Variants in VIT observed in about 807,000 individuals in gnomAD.
The protein encoded by VIT is vitrin.
VIT carries 99 observed loss-of-function variants against 78.0 expected under a neutral mutation model. The ratio of observed to expected loss-of-function variants is 1.27; its 90% CI spans 1.08 to 1.50. The LOEUF is 1.50. VIT is among the 40% of genes most tolerant of loss of function. VIT has a pLI of 0.00. For synonymous variants in VIT, 374 were observed against 334.3 expected (o/e 1.12, Z -1.29); for missense variants, 1,126 against 875.3 (o/e 1.29, Z -3.61).
intron 6 of VIT, among the ~76,000 whole-genome samples, chr2:36,763,392 A>G (rs79363276): frequency 0.028 from 4,244 of 152,258 alleles, 194 homozygotes; most frequent in African/African-American, 0.097. Context: ...TCCCATAAAA[A>G]TCTTTGAAAA....
chr2:36,787,266 G>C lies in VIT; in HGVS notation c.1048G>C (p.Val350Leu). ...IGPAGPLMGVVQYGDNPATHF... is the reference protein window; with the variant it reads ...IGPAGPLMGVLQYGDNPATHF... ...CCCTGCCGGTCCACTGATGGGTGTT[G>C]TCCAGTATGGGTAAGTGCAGTTAAT... Residue 350 changes from valine (V) to leucine (L), a missense_variant, in exon 12 of 16, where the codon GTC becomes CTC. Physicochemically the swap from Val to Leu is conservative, Grantham distance 32. Coordinates refer to ENST00000379242, the MANE Select transcript of VIT (RefSeq NM_053276.4). 6.2e-7 allele frequency: 1 copy of C among 1,614,080 alleles called. No homozygotes were observed.
At chr2:36,810,787 C>A (rs1667106360) in intron 15 of VIT, among the ~76,000 whole-genome samples, 1 of 152,168 alleles carries the variant, frequency 6.6e-6, no homozygotes, top group African/African-American at 2.4e-5. Flanking sequence ...GCACACACCA[C>A]CACGCCCAGC....
At chr2:36,699,516 T>TTA (rs1553357624) in intron 1 of VIT, among the ~76,000 whole-genome samples, 43,485 of 148,886 alleles carry the variant, frequency 0.29, 6,600 homozygotes, top group Non-Finnish European at 0.33. Context: ...TTAGAGGGGG[T>TTA]TATATATATA....
At chr2:36,804,261 G>A (rs768461559) in intron 13 of VIT, among the ~76,000 whole-genome samples, 1 of 152,248 alleles carries the variant, frequency 6.6e-6, no homozygotes, top group African/African-American at 2.4e-5. Context: ...CACAGCCAGG[G>A]CTAGAACACA....
intron 12 of VIT, among the ~76,000 whole-genome samples, chr2:36,800,503 A>G (rs55849213): frequency 6.6e-6 from 1 of 152,186 alleles, no homozygotes; most frequent in Non-Finnish European, 1.5e-5. Flanking sequence ...CTTCTGGAGC[A>G]TGGAGCCCTG....
chr2:36,764,754 T>C (rs1469187460), intron 6 of VIT, among the ~76,000 whole-genome samples: 1 of 151,788 alleles, frequency 6.6e-6, no homozygotes, highest in African/African-American at 2.4e-5. Context: ...GACGGCAGAG[T>C]CAGGGTGGGG....
chr2:36,740,950 A>C (rs1667799675), intron 3 of VIT, among the ~76,000 whole-genome samples: 1 of 152,202 alleles, frequency 6.6e-6, no homozygotes, highest in South Asian at 2.1e-4. Context: ...CAACCCCAAA[A>C]TATTTAGTTG....
intron 13 of VIT, among the ~76,000 whole-genome samples, chr2:36,802,599 T>C (rs1376689017): frequency 1.3e-5 from 2 of 152,238 alleles, no homozygotes; most frequent in Non-Finnish European, 2.9e-5. Context: ...CAAAGCAGTA[T>C]TACCTTCATC....
chr2:36,725,587 A>T (rs1666783881), intron 2 of VIT, among the ~76,000 whole-genome samples: 1 of 97,248 alleles, frequency 1.0e-5, no homozygotes, highest in Admixed American at 1.6e-4. Context: ...CAATGTAGGA[A>T]TTCTAGTTGA....
intron 4 of VIT, 133 bp from the exon 5 acceptor site, chr2:36,754,788 T>C (rs1389378966): frequency 9.3e-6 from 9 of 963,416 alleles, no homozygotes; most frequent in Non-Finnish European, 1.0e-5. Flanking sequence ...TTGGGCTTCA[T>C]GTCAAGGTAA....
chr2:36,743,758 T>G (rs1667974316), intron 4 of VIT, among the ~76,000 whole-genome samples: 1 of 152,216 alleles, frequency 6.6e-6, no homozygotes, highest in Non-Finnish European at 1.5e-5. Context: ...TATGTTACAC[T>G]ACTTCAAATT....
rs1206051588 is a variant in VIT, at chr2:36,805,522, T to C, written c.1247T>C (p.Met416Thr). Residue 416 changes from methionine to threonine, a missense_variant, in exon 14 of 16, where the codon ATG becomes ACG. By Grantham distance (81) the Met-to-Thr change is moderately conservative (BLOSUM62 -1). Transcript: ENST00000379242. Reference sequence around the variant, plus strand: ...GGGGCTCCCAATGTGGTGGTGGTGATGGTGGATGGCTGGCCCACGGACAAA... The same window carrying C: ...GGGGCTCCCAATGTGGTGGTGGTGACGGTGGATGGCTGGCCCACGGACAAA... The part of the protein sequence containing the change: ...RSGAPNVVVV[M>T]VDGWPTDKVE... 3 of 1,614,126 alleles carry C rather than the reference T, an allele frequency of 1.9e-6. No homozygotes were observed. Among genetic ancestry groups the C allele is most frequent in the Non-Finnish European group, 2.5e-6 (3 of 1,180,016 alleles).
rs901236641 is a variant in VIT, at chr2:36,800,074, C to T, written c.1059-1227C>T. Among the ~76,000 whole-genome samples, 135 of 149,636 alleles carry T rather than the reference C, an allele frequency of 9.0e-4. 1 individual carries two copies. The highest frequency in any genetic ancestry group is 3.0e-3 in the African/African-American group (123 of 40,370). The stretch of plus-strand genomic sequence containing the variant: ...AAAAAAAAAAAAAAATGGCCGGGCA[C>T]GGTGGCTCACGCCTGTAATCCTAGC... On this transcript the variant is annotated intron_variant, in intron 12 of 15. Coordinates refer to ENST00000379242, the MANE Select transcript of VIT (RefSeq NM_053276.4).
rs200611725 is a variant in VIT at position 36,773,751 on chromosome 2, A to G, written c.680-40A>G. 3.4e-6 allele frequency: 5 copies of G among 1,449,826 alleles called. No individual in the cohort carries two copies. In the African/African-American group the frequency reaches 5.8e-5, roughly 17 times the overall value. The allele number at this position is 1,449,826 out of a possible 1,614,324, so 89.8% of individuals were successfully genotyped here. A position where few individuals can be genotyped will look rare whatever the true frequency, so the allele number is the denominator to read the frequency against. The stretch of plus-strand genomic sequence containing the variant: ...AAATAAATAAATTAATTAATTAATT[A>G]AATAAAATTCATGCTCTGACCAGTC... On this transcript the variant is annotated intron_variant, in intron 7 of 15. Coordinates refer to ENST00000379242, the MANE Select transcript of VIT (RefSeq NM_053276.4).
At chr2:36,773,050 C>T (rs1669849748) in intron 7 of VIT, among the ~76,000 whole-genome samples, 1 of 152,148 alleles carries the variant, frequency 6.6e-6, no homozygotes, top group Non-Finnish European at 1.5e-5. Context: ...AACGATAACC[C>T]ATTGTGTACC....
rs115483805 is a variant in VIT, at chr2:36,796,386, T to C, written c.1059-4915T>C. Among the ~76,000 whole-genome samples, 282 of 152,350 alleles carry C rather than the reference T, an allele frequency of 1.9e-3. 2 individuals carry two copies. The highest frequency in any genetic ancestry group is 6.7e-3 in the African/African-American group (277 of 41,586). On this transcript the variant is annotated intron_variant, in intron 12 of 15. Coordinates refer to ENST00000379242, the MANE Select transcript of VIT (RefSeq NM_053276.4). ...ACAGGAACCAAACCTTGTATTTCCA[T>C]TGGAAGGAATGGCTCAGTACTTGCT... is the stretch of plus-strand genomic sequence containing the variant.
chr2:36,785,341 G>A (rs1048969519), intron 11 of VIT, among the ~76,000 whole-genome samples: 4 of 152,062 alleles, frequency 2.6e-5, no homozygotes, highest in South Asian at 2.1e-4. Context: ...GCTAGTAGGC[G>A]GCAAACCCTG....
intron 3 of VIT, among the ~76,000 whole-genome samples, chr2:36,739,968 T>C (rs1667740492): frequency 6.6e-6 from 1 of 152,224 alleles, no homozygotes; most frequent in Non-Finnish European, 1.5e-5. Flanking sequence ...AACTTACAAA[T>C]AATTTTTCAC....
chr2:36,741,450 C>T (rs1667829992), intron 3 of VIT, among the ~76,000 whole-genome samples: 1 of 152,168 alleles, frequency 6.6e-6, no homozygotes, highest in Admixed American at 6.5e-5. Flanking sequence ...CAGAAGTTCC[C>T]TGTTGGCCCA....
Sources: gnomAD v4.1 joint callset for allele counts (sites outside exome capture counted in the v4.1 genomes callset) on GRCh38, gnomAD v4.1.1 for gene constraint, MANE v1.5 for transcripts, NCBI Gene and HGNC (gene_info 2026-07-23, HGNC 2026-07-21) for gene names.